Variants in PTPRT observed in about 807,000 individuals in gnomAD.
PTPRT encodes the protein receptor-type tyrosine-protein phosphatase T.
In PTPRT, 56 loss-of-function variants were observed where a neutral mutation model predicts 176.8. That is an observed-to-expected ratio of 0.32 (90% CI 0.26 to 0.40). PTPRT has a LOEUF of 0.40. Ranked by LOEUF, PTPRT falls within the 10% of genes least tolerant of loss-of-function variation. The probability of loss-of-function intolerance (pLI) is 1.00; values close to 1 mark genes in which losing one functional copy is unlikely to be tolerated. For synonymous variants in PTPRT, 783 were observed against 739.0 expected (o/e 1.06, Z -0.96); for missense variants, 1,540 against 1,908.2 (o/e 0.81, Z 3.60).
At chr20:42,719,013 G>A (rs1465240925) in intron 6 of PTPRT, among the ~76,000 whole-genome samples, 1 of 152,192 alleles carries the variant, frequency 6.6e-6, no homozygotes. Flanking sequence ...CAGGGATGGA[G>A]TAGGGCGAGG....
intron 12 of PTPRT, among the ~76,000 whole-genome samples, chr20:42,313,108 A>G (rs1600819869): frequency 6.6e-6 from 1 of 152,252 alleles, no homozygotes; most frequent in South Asian, 2.1e-4. Context: ...TGGCCATGAG[A>G]GTGACCTCTG....
the PTPRT span, among the ~76,000 whole-genome samples, chr20:42,034,608 T>A: frequency 6.6e-6 from 1 of 152,172 alleles, no homozygotes; most frequent in Non-Finnish European, 1.5e-5. Context: ...CACAGAGATC[T>A]TCCAGGGAGT....
At chr20:42,387,300 A>G (rs1235663425) in intron 9 of PTPRT, among the ~76,000 whole-genome samples, 3 of 152,254 alleles carry the variant, frequency 2.0e-5, no homozygotes, top group African/African-American at 7.2e-5. Context: ...ACCAGCCCAG[A>G]GATTCAATAA....
intron 11 of PTPRT, among the ~76,000 whole-genome samples, chr20:42,344,254 C>T (rs73265797): frequency 9.2e-5 from 14 of 152,274 alleles, no homozygotes; most frequent in African/African-American, 3.4e-4. Flanking sequence ...TTAGCTTATT[C>T]GACCTTCAAA....
rs770233299 is a variant in PTPRT at position 42,248,732 on chromosome 20, A to G, written c.2267T>C (p.Met756Thr). 3.1e-6 allele frequency: 5 copies of G among 1,613,954 alleles called. No individual in the cohort carries two copies. Among genetic ancestry groups the G allele is most frequent in the Admixed American group, 3.3e-5 (2 of 60,006 alleles). The change falls in exon 14 of 31, where the codon ATG becomes ACG. Residue 756 changes from methionine to threonine, a missense_variant. Around this residue, in one of 11 missense-constraint regions of PTPRT, gnomAD observed 255 missense variants for 250.1 expected, o/e 1.02. Coordinates refer to ENST00000373187, the MANE Select transcript of PTPRT (RefSeq NM_007050.6). Reference sequence around the variant, plus strand: ...CACGCCCAGGAGAATGATGATGAACATGAGGAGGCCAGCGATCACGCCAGC... The same window carrying G: ...CACGCCCAGGAGAATGATGATGAACGTGAGGAGGCCAGCGATCACGCCAGC... ...KMAGVIAGLLMFIIILLGVML... is the reference protein window; with the variant it reads ...KMAGVIAGLLTFIIILLGVML...
At chr20:42,759,448 G>A (rs751543083) in intron 5 of PTPRT, among the ~76,000 whole-genome samples, 10 of 152,276 alleles carry the variant, frequency 6.6e-5, no homozygotes, top group East Asian at 5.8e-4. Context: ...GGCAGATCAC[G>A]AGGTCAGGAG....
At chr20:42,820,514 G>A (rs1022405130) in intron 2 of PTPRT, among the ~76,000 whole-genome samples, 14 of 151,942 alleles carry the variant, frequency 9.2e-5, no homozygotes, top group South Asian at 6.2e-4. Flanking sequence ...AATACCTAGA[G>A]AGGCAAGAGC....
chr20:42,765,955 T>C (rs558453067), intron 5 of PTPRT, among the ~76,000 whole-genome samples: 2 of 152,308 alleles, frequency 1.3e-5, no homozygotes, highest in East Asian at 3.9e-4. Context: ...TCTCTAGATA[T>C]TTCCTTAGGT....
intron 15 of PTPRT, among the ~76,000 whole-genome samples, chr20:42,215,444 CA>C (rs1237447698): frequency 6.6e-6 from 1 of 152,166 alleles, no homozygotes; most frequent in East Asian, 1.9e-4. Context: ...AGATATGCAA[CA>C]AATGCTAGTT....
At chr20:42,905,761 T>C (rs2079467951) in intron 1 of PTPRT, among the ~76,000 whole-genome samples, 1 of 152,164 alleles carries the variant, frequency 6.6e-6, no homozygotes, top group South Asian at 2.1e-4. Context: ...GTTCATGTCC[T>C]TTGTAGGGTC....
intron 9 of PTPRT, among the ~76,000 whole-genome samples, chr20:42,379,457 G>A (rs117637068): frequency 7.5e-4 from 114 of 152,282 alleles, no homozygotes; most frequent in Non-Finnish European, 1.3e-3. Context: ...ATCTCATGGG[G>A]AGACCCTAGA....
In PTPRT at chr20:42,104,673, A is replaced by G. The variant is rs752786172; in HGVS notation, c.3436T>C (p.Cys1146Arg). 2 of 1,591,710 alleles carry G rather than the reference A, an allele frequency of 1.3e-6. No homozygotes were observed. ...VHDAILEACL[C>R]GNTAIPVCEF... ...CACACAGGGATGGCAGTGTTGCCAC[A>G]GAGGCACGCTTCCAGGATGGCATCG... is the stretch of plus-strand genomic sequence containing the variant. Residue 1146 changes from cysteine to arginine, a missense_variant, in exon 25 of 31, where the codon TGT becomes CGT. Physicochemically the swap from Cys to Arg is radical, Grantham distance 180. Coordinates refer to ENST00000373187, the MANE Select transcript of PTPRT (RefSeq NM_007050.6).
chr20:42,866,805 C>T (rs999438967), intron 2 of PTPRT, among the ~76,000 whole-genome samples: 3 of 152,318 alleles, frequency 2.0e-5, no homozygotes, highest in Non-Finnish European at 4.4e-5. Flanking sequence ...GATAAAATCA[C>T]ACTGCCACTT....
chr20:42,978,558 C>T (rs1292882884), intron 1 of PTPRT, among the ~76,000 whole-genome samples: 3 of 152,198 alleles, frequency 2.0e-5, no homozygotes, highest in South Asian at 2.1e-4. Context: ...TGAGCAGTGG[C>T]TGGGTAAAAT....
rs952754829 is a variant in PTPRT, at chr20:42,141,371, C to T, written c.2770+544G>A. ...GTTACTGGCTTCTTCTGAGCATCAG[C>T]CTTTACTTCCAAGCATCAGCCAGTG... On this transcript the variant is annotated intron_variant, in intron 18 of 30. Transcript: ENST00000373187. Among the ~76,000 whole-genome samples the T allele has an allele frequency of 2.0e-5, 3 of 152,220 alleles. No individual in the cohort carries two copies. The East Asian group carries it at 5.8e-4, about 29-fold the overall frequency.
intron 20 of PTPRT, 88 bp from the exon 21 acceptor site, chr20:42,118,588 A>C: frequency 3.7e-6 from 4 of 1,082,530 alleles, no homozygotes; most frequent in Non-Finnish European, 2.7e-6. Flanking sequence ...TCAAGTCTCC[A>C]CACTGGTGAG....
At chr20:43,019,061 C>G (rs935220768) in intron 1 of PTPRT, among the ~76,000 whole-genome samples, 1 of 152,054 alleles carries the variant, frequency 6.6e-6, no homozygotes, top group Non-Finnish European at 1.5e-5. Flanking sequence ...TTTGAAATAT[C>G]CTAAATGCCC....
intron 2 of PTPRT, among the ~76,000 whole-genome samples, chr20:42,846,620 A>G (rs1294278220): frequency 6.6e-6 from 1 of 152,174 alleles, no homozygotes; most frequent in Non-Finnish European, 1.5e-5. Context: ...ACCATAGGGG[A>G]TAAAGTTTTA....
chr20:42,388,350 G>A (rs1298643714), intron 9 of PTPRT, among the ~76,000 whole-genome samples: 2 of 152,130 alleles, frequency 1.3e-5, no homozygotes, highest in Admixed American at 6.5e-5. Context: ...CCTACAGAAT[G>A]GGAGAAAATT....
Sources: allele counts gnomAD v4.1 joint callset (sites outside exome capture counted in the v4.1 genomes callset), GRCh38; gene constraint gnomAD v4.1.1; regional missense constraint gnomAD v4.1.1; transcripts MANE v1.5; gene names NCBI Gene and HGNC (gene_info 2026-07-23, HGNC 2026-07-21).